MED12L: variants seen among roughly 807,000 people sequenced by gnomAD.
MED12L encodes the protein mediator complex subunit 12L, also known as mediator of RNA polymerase II transcription subunit 12-like protein.
In MED12L, 60 loss-of-function variants were observed where a neutral mutation model predicts 281.3. That is an observed-to-expected ratio of 0.21 (90% CI 0.17 to 0.26). The LOEUF is 0.26. Among genes scored for constraint, MED12L ranks in the 10% least tolerant of loss-of-function variants. MED12L has a pLI of 1.00. For synonymous variants in MED12L, 974 were observed against 987.2 expected (o/e 0.99, Z 0.25); for missense variants, 2,146 against 2,680.9 (o/e 0.80, Z 4.41).
chr3:151,342,934 T>A (rs1387113126), intron 16 of MED12L, among the ~76,000 whole-genome samples: 1 of 152,166 alleles, frequency 6.6e-6, no homozygotes, highest in Non-Finnish European at 1.5e-5. Context: ...ATCATCCTCA[T>A]TCTCTGGATG....
intron 5 of MED12L, 48 bp downstream of exon 5, chr3:151,128,032 A>G (rs761671054): frequency 6.5e-7 from 1 of 1,542,160 alleles, no homozygotes; most frequent in Non-Finnish European, 8.9e-7. Flanking sequence ...TTGATTTTGC[A>G]AGTAATTGTT....
At chr3:151,221,344 C>T (rs1467720193) in intron 16 of MED12L, among the ~76,000 whole-genome samples, 1 of 152,190 alleles carries the variant, frequency 6.6e-6, no homozygotes, top group African/African-American at 2.4e-5. Context: ...AAGCCGGCTG[C>T]AGAAGTTTGC....
intron 39 of MED12L, among the ~76,000 whole-genome samples, chr3:151,395,112 A>C (rs75538548): frequency 6.6e-5 from 10 of 152,338 alleles, no homozygotes; most frequent in African/African-American, 9.6e-5. Context: ...AAACAAAAAG[A>C]AGGGCTGATG....
chr3:151,345,919 T>A (rs1260046890), intron 16 of MED12L, among the ~76,000 whole-genome samples: 1 of 152,178 alleles, frequency 6.6e-6, no homozygotes, highest in African/African-American at 2.4e-5. Context: ...TGAAGACTAC[T>A]GTAGTAACAC....
intron 16 of MED12L, among the ~76,000 whole-genome samples, chr3:151,263,560 A>T (rs1739290168): frequency 6.6e-6 from 1 of 152,228 alleles, no homozygotes; most frequent in Non-Finnish European, 1.5e-5. Context: ...TACGTGTTTT[A>T]TCGTTAATTT....
chr3:151,307,790 C>T (rs1328172861), intron 16 of MED12L, among the ~76,000 whole-genome samples: 1 of 151,990 alleles, frequency 6.6e-6, no homozygotes, highest in Non-Finnish European at 1.5e-5. Context: ...CTTTTAAGAC[C>T]CCAGAACAGG....
intron 16 of MED12L, among the ~76,000 whole-genome samples, chr3:151,349,304 T>G (rs1752943197): frequency 6.6e-6 from 1 of 152,040 alleles, no homozygotes; most frequent in African/African-American, 2.4e-5. Flanking sequence ...GGTGGAGAGG[T>G]GGTCCAGAAG....
chr3:151,321,508 A>AT lies in MED12L; in HGVS notation c.2251-28543dup, dbSNP rs923117707. 5.3e-5 allele frequency among the ~76,000 whole-genome samples: 8 copies of AT among 152,156 alleles called. No homozygotes were observed. The East Asian group carries it at 9.7e-4, about 18-fold the overall frequency. On this transcript the variant is annotated intron_variant, in intron 16 of 44. Transcript: ENST00000687756. ...TATAAAGTCAATACATAAAGCTAAT[A>AT]TTTTTTTTAAAAAACCCAAAGCTAT...
At position 151,112,402 on chromosome 3, in the gene MED12L, GC is replaced by G. The variant is rs1211158897; in HGVS notation, c.100-3933del. Among the ~76,000 whole-genome samples the G allele has an allele frequency of 2.0e-5, 3 of 151,782 alleles. No individual in the cohort carries two copies. In the South Asian group the frequency reaches 6.2e-4, roughly 32 times the overall value. ...TTCAAGCAATTCTCTGCCTTCTAGGGCCCTGCTTCTTCAAAGTCTAATGTGT... is the reference window on the plus strand; with the variant it reads ...TTCAAGCAATTCTCTGCCTTCTAGGGCCTGCTTCTTCAAAGTCTAATGTGT... On this transcript the variant is annotated intron_variant, in intron 2 of 44. Transcript: ENST00000687756.
intron 5 of MED12L, 37 bp from the exon 6 acceptor site, chr3:151,156,124 G>A (rs370928230): frequency 2.0e-5 from 30 of 1,536,328 alleles, no homozygotes; most frequent in Non-Finnish European, 2.6e-5. Flanking sequence ...TACCCATTGT[G>A]TCTAGAAACT....
rs1050954651 is a variant in MED12L, at chr3:151,086,827, G to C, written c.-100G>C. ...ACAGCGAGCGAGCGAGCGAGGAGGGGGAGAGAGGGAGTCTGTCTGCAAAGT... is the reference window on the plus strand; with the variant it reads ...ACAGCGAGCGAGCGAGCGAGGAGGGCGAGAGAGGGAGTCTGTCTGCAAAGT... On this transcript the variant is annotated 5_prime_UTR_variant, in exon 2 of 45. Transcript: ENST00000687756. The C allele has an allele frequency of 6.8e-6, 6 of 887,930 alleles. No homozygotes were observed. The highest frequency in any genetic ancestry group is 1.0e-5 in the Non-Finnish European group (6 of 585,462). 55.0% of individuals were successfully genotyped at this position (887,930 alleles called of 1,614,324 possible).
chr3:151,404,455 T>A (rs1287675365), intron 39 of MED12L, among the ~76,000 whole-genome samples: 3 of 152,226 alleles, frequency 2.0e-5, no homozygotes, highest in Admixed American at 6.5e-5. Context: ...AGACCTCTTA[T>A]AATTTAGAAT....
chr3:151,368,162 C>T lies in MED12L; in HGVS notation c.3461C>T (p.Ala1154Val), dbSNP rs200564154. The change falls in exon 25 of 45, where the codon GCG becomes GTG. Residue 1154 changes from alanine to valine, a missense_variant. Ala to Val is a moderately conservative substitution (Grantham distance 64). Around this residue, in one of 9 missense-constraint regions of MED12L, gnomAD observed 404 missense variants for 603.5 expected, o/e 0.67. Coordinates refer to ENST00000687756, the MANE Select transcript of MED12L (RefSeq NM_001393769.1). ...CCCCCTTTCCTAGCTTGTGGGGATG[C>T]GGACGCCGAGCCTGGGGCGAGAATG... ...PSLLAAACGD[A>V]DAEPGARMTC... The T allele has an allele frequency of 2.9e-5, 47 of 1,613,668 alleles. No homozygotes were observed. Among genetic ancestry groups the T allele is most frequent in the South Asian group, 2.2e-4 (20 of 91,074 alleles).
chr3:151,282,346 T>A (rs1208615090), intron 16 of MED12L, among the ~76,000 whole-genome samples: 3 of 140,646 alleles, frequency 2.1e-5, no homozygotes, highest in Non-Finnish European at 4.6e-5. Context: ...TTATATAATT[T>A]AGTTTTTTTT....
rs1553821115 is a variant in MED12L, at chr3:151,169,118, T to TTG, written c.1494+3137_1494+3138insGT. The stretch of plus-strand genomic sequence containing the variant: ...TTTCTTTTTCTTTGTTTTTTTTTTT[T>TTG]TTTGTTTTTTTTTTTTTGAGACGGA... On this transcript the variant is annotated intron_variant, in intron 11 of 44. Coordinates refer to ENST00000687756, the MANE Select transcript of MED12L (RefSeq NM_001393769.1). 3.6e-5 allele frequency among the ~76,000 whole-genome samples: 5 copies of TTG among 137,140 alleles called. No homozygotes were observed. In the East Asian group the frequency reaches 5.9e-4, roughly 16 times the overall value. 90.0% of individuals were successfully genotyped at this position (137,140 alleles called of 152,430 possible).
At chr3:151,292,671 C>T (rs56347772) in intron 16 of MED12L, among the ~76,000 whole-genome samples, 1 of 152,056 alleles carries the variant, frequency 6.6e-6, no homozygotes, top group African/African-American at 2.4e-5. Flanking sequence ...CTCCCGGGTT[C>T]AAGCAATTCT....
At position 151,436,649 on chromosome 3, in the gene MED12L, A is replaced by G. The variant is rs1235013441; in HGVS notation, c.*3845A>G. ...CCTTTGATTAAACTTCTTCCAAAAA[A>G]TAAATTCTGCCCAGATGTTGTTGAC... is the stretch of plus-strand genomic sequence containing the variant. On this transcript the variant is annotated 3_prime_UTR_variant, in exon 45 of 45. Transcript: ENST00000687756. The G allele has an allele frequency of 6.9e-7, 1 of 1,440,186 alleles. No homozygotes were observed. Among genetic ancestry groups the G allele is most frequent in the Non-Finnish European group, 9.4e-7 (1 of 1,060,578 alleles). 89.2% of individuals were successfully genotyped at this position (1,440,186 alleles called of 1,614,324 possible). A position where few individuals can be genotyped will look rare whatever the true frequency, so the allele number is the denominator to read the frequency against.
chr3:151,257,769 A>G (rs1184253371), intron 16 of MED12L, among the ~76,000 whole-genome samples: 1 of 152,070 alleles, frequency 6.6e-6, no homozygotes, highest in Non-Finnish European at 1.5e-5. Context: ...TCTCACAACA[A>G]TTTTCCTCTG....
intron 16 of MED12L, among the ~76,000 whole-genome samples, chr3:151,302,705 C>T (rs1021386783): frequency 6.6e-6 from 1 of 152,134 alleles, no homozygotes; most frequent in Non-Finnish European, 1.5e-5. Flanking sequence ...TGTGAATGGC[C>T]TCCTTTCTCC....
Sources: allele counts gnomAD v4.1 joint callset (sites outside exome capture counted in the v4.1 genomes callset), GRCh38; gene constraint gnomAD v4.1.1; regional missense constraint gnomAD v4.1.1; transcripts MANE v1.5; gene names NCBI Gene and HGNC (gene_info 2026-07-23, HGNC 2026-07-21).